The following ANK2 variants were observed in gnomAD, a reference collection of about 807,000 sequenced individuals.
ANK2 encodes the protein ankyrin 2.
A neutral mutation model predicts 360.5 loss-of-function variants in ANK2; 83 were observed. The ratio of observed to expected loss-of-function variants is 0.23; its 90% CI spans 0.19 to 0.28. ANK2 has a LOEUF of 0.28. Among genes scored for constraint, ANK2 ranks in the 10% least tolerant of loss-of-function variants. The pLI, the probability that ANK2 is intolerant of heterozygous loss-of-function variation, is 1.00. For synonymous variants in ANK2, 1,740 were observed against 1,759.5 expected (o/e 0.99, Z 0.28); for missense variants, 4,201 against 4,795.7 (o/e 0.88, Z 3.66).
chr4:113,115,415 C>G (rs866115834), intron 1 of ANK2, among the ~76,000 whole-genome samples: 2 of 152,104 alleles, frequency 1.3e-5, no homozygotes, highest in African/African-American at 4.8e-5. Flanking sequence ...CTGCTCCCTT[C>G]TCTCCCTTCC....
intron 24 of ANK2, among the ~76,000 whole-genome samples, chr4:113,316,542 C>T (rs571106977): frequency 6.6e-6 from 1 of 152,182 alleles, no homozygotes; most frequent in Non-Finnish European, 1.5e-5. Flanking sequence ...CATAATTCTA[C>T]AGTGCTTCAC....
chr4:112,821,016 A>T (rs1163244992), intron 1 of ANK2, among the ~76,000 whole-genome samples: 1 of 152,012 alleles, frequency 6.6e-6, no homozygotes, highest in Non-Finnish European at 1.5e-5. Flanking sequence ...GGTTCAAGCG[A>T]TTCTCCTGCC....
At chr4:113,237,712 G>T (rs920030828) in intron 7 of ANK2, 90 bp downstream of exon 7, 3 of 1,188,862 alleles carry the variant, frequency 2.5e-6, no homozygotes, top group African/African-American at 3.0e-5. Context: ...TCATACTAAT[G>T]ATTAGAAGTT....
rs777374873 is a variant in ANK2 at position 113,163,492 on chromosome 4, C to T, written c.85-10924C>T. 5.6e-4 allele frequency among the ~76,000 whole-genome samples: 85 copies of T among 151,606 alleles called. No individual in the cohort carries two copies. In the Middle Eastern group the frequency reaches 0.024, roughly 42 times the overall value. ...TTAAAAACCAAGCTTTGGCCGGGCACGGTGGCTCACTCCTGTAATCACAGC... is the reference window on the plus strand; with the variant it reads ...TTAAAAACCAAGCTTTGGCCGGGCATGGTGGCTCACTCCTGTAATCACAGC... On this transcript the variant is annotated intron_variant, in intron 1 of 45. Transcript: ENST00000357077.
chr4:112,716,917 T>TGCTTTACATC, the ANK2 span, among the ~76,000 whole-genome samples: 3 of 152,172 alleles, frequency 2.0e-5, no homozygotes, highest in Non-Finnish European at 4.4e-5. Context: ...CTATCCACAT[T>TGCTTTACATC]GCTTTACATC....
Position 113,317,831 on chromosome 4 carries a change from T to A in ANK2, c.2796+22T>A, listed in dbSNP as rs776795374. ...CCAGGTATGTGACATTTTGCCTTCA[T>A]GTCTTTGCTTTCTGGAGAGCTTTGT... is the stretch of plus-strand genomic sequence containing the variant. On this transcript the variant is annotated intron_variant, in intron 25 of 45. Transcript: ENST00000357077. The A allele has an allele frequency of 3.8e-6, 6 of 1,583,260 alleles. No homozygotes were observed. The African/African-American group carries it at 4.0e-5, about 11-fold the overall frequency.
At chr4:113,375,482 T>G (rs1224081497) in intron 45 of ANK2, among the ~76,000 whole-genome samples, 2 of 151,372 alleles carry the variant, frequency 1.3e-5, no homozygotes, top group Admixed American at 1.3e-4. Flanking sequence ...TCCCAGCACT[T>G]TGGGAGGCCG....
intron 1 of ANK2, among the ~76,000 whole-genome samples, chr4:113,055,564 A>G (rs2069282972): frequency 1.3e-5 from 2 of 152,224 alleles, no homozygotes; most frequent in Admixed American, 6.5e-5. Flanking sequence ...GTTTAAGTCT[A>G]GATGGCAGCA....
intron 34 of ANK2, among the ~76,000 whole-genome samples, chr4:113,345,582 AG>A (rs1222115432): frequency 2.0e-5 from 3 of 152,200 alleles, no homozygotes; most frequent in African/African-American, 4.8e-5. Flanking sequence ...ACCACAAAAA[AG>A]GGGGATGAGG....
chr4:113,074,289 G>T (rs1476690135), intron 1 of ANK2, among the ~76,000 whole-genome samples: 1 of 152,052 alleles, frequency 6.6e-6, no homozygotes. Context: ...TGAGCCCTGG[G>T]GGAACCTACC....
chr4:112,839,042 C>T (rs2149779600), intron 1 of ANK2, among the ~76,000 whole-genome samples: 1 of 152,224 alleles, frequency 6.6e-6, no homozygotes, highest in East Asian at 1.9e-4. Flanking sequence ...TCTTCTGTTC[C>T]TTTCTCCCCT....
rs564413689 is a variant in ANK2, at chr4:112,856,436, G to C, written c.-40+38172G>C. ...GCTTCTTAAAAATAATTTTTTAAAA[G>C]TGTATTATTGGCCGGGTGTGGTGGC... On this transcript the variant is annotated intron_variant, in intron 1 of 30. Transcript: ENST00000503271. Among the ~76,000 whole-genome samples the C allele has an allele frequency of 2.0e-5, 3 of 152,286 alleles. No homozygotes were observed. The South Asian group carries it at 6.2e-4, about 32-fold the overall frequency.
At chr4:113,077,303 G>A (rs1330577962) in intron 1 of ANK2, among the ~76,000 whole-genome samples, 2 of 152,060 alleles carry the variant, frequency 1.3e-5, no homozygotes, top group African/African-American at 4.8e-5. Flanking sequence ...ATGAAAAATT[G>A]AGTGGAAAAA....
At chr4:112,706,552 A>C in the ANK2 span, among the ~76,000 whole-genome samples, 2 of 152,088 alleles carry the variant, frequency 1.3e-5, no homozygotes, top group Non-Finnish European at 2.9e-5. Context: ...CCCAGCTGTC[A>C]CATGACCCAC....
chr4:112,746,985 A>G, the ANK2 span, among the ~76,000 whole-genome samples: 535 of 152,312 alleles, frequency 3.5e-3, 3 homozygotes, highest in Admixed American at 7.0e-3. Context: ...AATTTCTATT[A>G]TATTATTTCA....
At chr4:113,103,127 G>T (rs1308602943) in intron 1 of ANK2, among the ~76,000 whole-genome samples, 1 of 152,074 alleles carries the variant, frequency 6.6e-6, no homozygotes, top group Non-Finnish European at 1.5e-5. Flanking sequence ...CAACATAAAT[G>T]TAATCCTGTG....
chr4:112,997,789 C>G (rs1171545823), intron 2 of ANK2, among the ~76,000 whole-genome samples: 1 of 150,992 alleles, frequency 6.6e-6, no homozygotes, highest in Non-Finnish European at 1.5e-5. Flanking sequence ...ATACAAATGA[C>G]TTAAACATAT....
chr4:113,167,331 C>T (rs1414432476), intron 1 of ANK2, among the ~76,000 whole-genome samples: 3 of 146,710 alleles, frequency 2.0e-5, no homozygotes, highest in African/African-American at 7.5e-5. Context: ...AACAGAGTTT[C>T]GCTCTTGTTG....
intron 10 of ANK2, among the ~76,000 whole-genome samples, chr4:113,252,530 G>A (rs1003931626): frequency 6.6e-6 from 1 of 152,144 alleles, no homozygotes; most frequent in African/African-American, 2.4e-5. Context: ...TAGAGCAGTA[G>A]ATAATTCTTC....
Sources: gnomAD v4.1 joint callset for allele counts (sites outside exome capture counted in the v4.1 genomes callset) on GRCh38, gnomAD v4.1.1 for gene constraint, MANE v1.5 for transcripts, NCBI Gene and HGNC (gene_info 2026-07-23, HGNC 2026-07-21) for gene names.